DCDC1: variants seen among roughly 807,000 people sequenced by gnomAD.
The protein encoded by DCDC1 is doublecortin domain-containing protein 1.
A neutral mutation model predicts 178.3 loss-of-function variants in DCDC1; 200 were observed. That is an observed-to-expected ratio of 1.12 (90% CI 1.00 to 1.26). The LOEUF (loss-of-function observed/expected upper bound fraction) is 1.26. DCDC1 is among the 50% of genes most tolerant of loss of function. The pLI is 0.00. For missense variants in DCDC1, 1,983 were observed against 1,749.2 expected, an observed-to-expected ratio of 1.13 and a Z score of -2.38; for synonymous variants, 690 against 604.8, an observed-to-expected ratio of 1.14 and a Z score of -2.07.
At chr11:31,090,085 C>T (rs902212217) in intron 17 of DCDC1, among the ~76,000 whole-genome samples, 1 of 152,132 alleles carries the variant, frequency 6.6e-6, no homozygotes, top group African/African-American at 2.4e-5. Context: ...TCTTATTACC[C>T]AGTCTGCGTA....
chr11:31,094,618 C>G (rs1351382702), intron 15 of DCDC1, among the ~76,000 whole-genome samples: 1 of 152,048 alleles, frequency 6.6e-6, no homozygotes, highest in African/African-American at 2.4e-5. Flanking sequence ...AGGATGGGGA[C>G]AGTTTGACAG....
rs190402115 is a variant in DCDC1, at chr11:31,313,698, T to C, written c.165-5790A>G. ...ACTAAATTTAATTTAGTGCTGTGGTTATTTTTACTCATTGGCCCATATGTA... is the reference window on the plus strand; with the variant it reads ...ACTAAATTTAATTTAGTGCTGTGGTCATTTTTACTCATTGGCCCATATGTA... On this transcript the variant is annotated intron_variant, in intron 3 of 38. Transcript: ENST00000684477. Among the ~76,000 whole-genome samples the C allele has an allele frequency of 1.1e-4, 16 of 152,330 alleles. No individual in the cohort carries two copies. The East Asian group carries it at 2.9e-3, about 27-fold the overall frequency.
At chr11:30,961,515 C>T (rs1258680698) in intron 20 of DCDC1, among the ~76,000 whole-genome samples, 1 of 151,856 alleles carries the variant, frequency 6.6e-6, no homozygotes, top group Non-Finnish European at 1.5e-5. Context: ...AACGCTTTAA[C>T]GTTTTGTTTT....
At chr11:30,903,088 T>C (rs746262901) in intron 32 of DCDC1, among the ~76,000 whole-genome samples, 10 of 152,110 alleles carry the variant, frequency 6.6e-5, no homozygotes, top group Non-Finnish European at 1.3e-4. Flanking sequence ...GAGATTTCCA[T>C]TGACCCAGCC....
At chr11:30,986,681 T>G (rs888180732) in intron 20 of DCDC1, among the ~76,000 whole-genome samples, 2 of 152,182 alleles carry the variant, frequency 1.3e-5, no homozygotes, top group Non-Finnish European at 2.9e-5. Context: ...TACTGGAGAC[T>G]GGGGTGTTAA....
intron 29 of DCDC1, among the ~76,000 whole-genome samples, chr11:30,907,389 T>G (rs1945139553): frequency 6.6e-6 from 1 of 152,180 alleles, no homozygotes; most frequent in Admixed American, 6.5e-5. Flanking sequence ...CCTTTTAAAA[T>G]GTGACAGTTT....
intron 17 of DCDC1, among the ~76,000 whole-genome samples, chr11:31,089,735 A>G (rs985542184): frequency 1.3e-5 from 2 of 151,428 alleles, no homozygotes; most frequent in Non-Finnish European, 2.9e-5. Flanking sequence ...CATGTTTAGT[A>G]TACTTTGTCT....
In DCDC1 at chr11:31,233,334, A is replaced by G. The variant is rs373667120; in HGVS notation, c.1221+8116T>C. ...TAAGCATATTTCCTAATAGCTTCAC[A>G]TGGGTATGCTTTGTCTCCAAAACAA... On this transcript the variant is annotated intron_variant, in intron 9 of 38. Coordinates refer to ENST00000684477, the MANE Select transcript of DCDC1 (RefSeq NM_001387274.1). Among the ~76,000 whole-genome samples the G allele has an allele frequency of 2.0e-5, 3 of 152,280 alleles. No individual in the cohort carries two copies. In the East Asian group the frequency reaches 5.8e-4, roughly 29 times the overall value.
At chr11:30,888,146 G>GAAAGAA (rs1565030366) in intron 36 of DCDC1, among the ~76,000 whole-genome samples, 18 of 138,236 alleles carry the variant, frequency 1.3e-4, no homozygotes, top group Admixed American at 9.6e-4. Flanking sequence ...AAGAAAGAAA[G>GAAAGAA]AAAGAAAGAA....
intron 6 of DCDC1, among the ~76,000 whole-genome samples, chr11:31,301,823 A>G (rs1450550363): frequency 1.3e-5 from 2 of 152,194 alleles, no homozygotes; most frequent in Non-Finnish European, 2.9e-5. Flanking sequence ...ACAAGCTGTC[A>G]TAGCAAATTA....
intron 9 of DCDC1, among the ~76,000 whole-genome samples, chr11:31,239,952 C>T (rs1439549154): frequency 6.6e-6 from 1 of 151,526 alleles, no homozygotes; most frequent in Non-Finnish European, 1.5e-5. Context: ...AAAAACATGC[C>T]ATTATTTCTG....
At chr11:30,967,311 T>C (rs1032810454) in intron 20 of DCDC1, among the ~76,000 whole-genome samples, 7 of 150,552 alleles carry the variant, frequency 4.6e-5, no homozygotes, top group Admixed American at 2.7e-4. Context: ...CTTGAAGAGG[T>C]CCTTCACATC....
intron 11 of DCDC1, among the ~76,000 whole-genome samples, chr11:31,120,329 C>A (rs1960611388): frequency 6.6e-6 from 1 of 152,056 alleles, no homozygotes; most frequent in South Asian, 2.1e-4. Context: ...TTCTCTTGCT[C>A]ATGGTCAGAG....
chr11:31,242,043 C>T (rs1299879903), intron 8 of DCDC1, among the ~76,000 whole-genome samples: 2 of 151,946 alleles, frequency 1.3e-5, no homozygotes, highest in Non-Finnish European at 2.9e-5. Context: ...AACATCGCAT[C>T]TGGAAATTAT....
chr11:31,143,707 T>C (rs1275764824), intron 9 of DCDC1, among the ~76,000 whole-genome samples: 1 of 152,182 alleles, frequency 6.6e-6, no homozygotes, highest in Non-Finnish European at 1.5e-5. Flanking sequence ...CCCCTACTTT[T>C]AGTAATGTAA....
At position 30,895,413 on chromosome 11, in the gene DCDC1, G is replaced by A. The variant is rs1456942351; in HGVS notation, c.4766-1029C>T. ...GGCACAACAGAAGGCTTCTTAGAGA[G>A]AGTAACACTTAGGTTCATAAAACAA... On this transcript the variant is annotated intron_variant, in intron 34 of 38. Coordinates refer to ENST00000684477, the MANE Select transcript of DCDC1 (RefSeq NM_001387274.1). Among the ~76,000 whole-genome samples the A allele has an allele frequency of 2.0e-5, 3 of 152,170 alleles. No individual in the cohort carries two copies. The East Asian group carries it at 5.8e-4, about 29-fold the overall frequency.
chr11:31,002,189 T>C (rs1441290060), intron 20 of DCDC1, among the ~76,000 whole-genome samples: 1 of 152,206 alleles, frequency 6.6e-6, no homozygotes, highest in East Asian at 1.9e-4. Flanking sequence ...AAAATTTATC[T>C]TCAGGTAGTA....
intron 3 of DCDC1, among the ~76,000 whole-genome samples, chr11:31,315,089 G>T (rs956812667): frequency 6.6e-6 from 1 of 152,072 alleles, no homozygotes; most frequent in Admixed American, 6.5e-5. Flanking sequence ...GATGACTACA[G>T]ATTTGACAAG....
At chr11:30,998,528 A>G (rs1951396968) in intron 20 of DCDC1, among the ~76,000 whole-genome samples, 1 of 108,398 alleles carries the variant, frequency 9.2e-6, no homozygotes, top group Non-Finnish European at 2.3e-5. Flanking sequence ...GAATGGATAT[A>G]TTTTCCTTGC....
Sources: allele counts gnomAD v4.1 joint callset (sites outside exome capture counted in the v4.1 genomes callset), GRCh38; gene constraint gnomAD v4.1.1; transcripts MANE v1.5; gene names NCBI Gene and HGNC (gene_info 2026-07-23, HGNC 2026-07-21).